Variants in EFHC2 observed in about 807,000 individuals in gnomAD.
The protein encoded by EFHC2 is EF-hand domain-containing family member C2.
In EFHC2, 18 loss-of-function variants were observed where a neutral mutation model predicts 52.7. That is an observed-to-expected ratio of 0.34 (90% CI 0.24 to 0.51). The LOEUF (loss-of-function observed/expected upper bound fraction) is 0.51, where lower values mean the gene tolerates loss of function less well. Ranked by LOEUF, EFHC2 falls within the 20% of genes least tolerant of loss-of-function variation. EFHC2 has a pLI of 0.97. For synonymous variants in EFHC2, 203 were observed against 204.1 expected (o/e 0.99, Z 0.04); for missense variants, 513 against 562.5 (o/e 0.91, Z 0.89).
Position 44,223,135 on chromosome X carries a change from T to A in EFHC2, c.1751+6514A>T, listed in dbSNP as rs145942788. Among the ~76,000 whole-genome samples, 492 of 112,215 alleles carry A rather than the reference T, an allele frequency of 4.4e-3. 18 individuals are homozygous for A. The East Asian group carries it at 0.11, about 24-fold the overall frequency. ...CTCAATTTCCCAGACTTCCTTGCAG[T>A]TAGAAATATGCAGGTGACCCAGGCT... On this transcript the variant is annotated intron_variant, in intron 11 of 14. Coordinates refer to ENST00000420999, the MANE Select transcript of EFHC2 (RefSeq NM_025184.4).
chrX:44,156,042 G>T (rs777191810), intron 14 of EFHC2, among the ~76,000 whole-genome samples: 1 of 112,367 alleles, frequency 8.9e-6, no homozygotes, highest in Non-Finnish European at 1.9e-5. Flanking sequence ...GTGAGTTGTA[G>T]CTAAAAGACA....
intron 2 of EFHC2, among the ~76,000 whole-genome samples, chrX:44,301,347 A>T (rs2037868000): frequency 1.8e-5 from 2 of 109,793 alleles, no homozygotes; most frequent in Admixed American, 2.0e-4. Context: ...AATTATACTT[A>T]AAAAACCCAA....
intron 1 of EFHC2, among the ~76,000 whole-genome samples, chrX:44,343,029 A>G (rs2038161755): frequency 9.1e-6 from 1 of 110,248 alleles, no homozygotes; most frequent in Admixed American, 9.7e-5. Context: ...TAAGTGCCAG[A>G]TTTCTTCAAT....
chrX:44,333,967 G>A (rs2038103073), intron 1 of EFHC2, among the ~76,000 whole-genome samples: 1 of 111,891 alleles, frequency 8.9e-6, no homozygotes, highest in African/African-American at 3.2e-5. Flanking sequence ...AGAAAGAAAA[G>A]CCAATATTCT....
chrX:44,321,339 A>G (rs1041400658), intron 1 of EFHC2, among the ~76,000 whole-genome samples: 1 of 111,059 alleles, frequency 9.0e-6, no homozygotes. Context: ...CATTCAAGAT[A>G]CCACTCAGAC....
intron 7 of EFHC2, among the ~76,000 whole-genome samples, chrX:44,245,263 G>T (rs940904285): frequency 1.8e-5 from 2 of 111,958 alleles, no homozygotes; most frequent in Admixed American, 1.9e-4. Context: ...TTGAATCTAA[G>T]CATAGCCCAA....
chrX:44,225,149 A>G (rs780391570), intron 11 of EFHC2, among the ~76,000 whole-genome samples: 1 of 110,663 alleles, frequency 9.0e-6, no homozygotes, highest in Non-Finnish European at 1.9e-5. Flanking sequence ...AATCTGATAG[A>G]CCATGCCAAA....
intron 11 of EFHC2, among the ~76,000 whole-genome samples, chrX:44,208,468 T>C (rs1468387995): frequency 9.0e-6 from 1 of 111,368 alleles, no homozygotes; most frequent in Admixed American, 9.5e-5. Context: ...ATGGAAATTA[T>C]AGACACTGAG....
intron 2 of EFHC2, among the ~76,000 whole-genome samples, chrX:44,275,692 T>A (rs1416324556): frequency 1.9e-5 from 2 of 107,462 alleles, no homozygotes; most frequent in Non-Finnish European, 3.8e-5. Context: ...CGCAGGTGGA[T>A]CACTTGAGGT....
chrX:44,282,674 A>AAAAAAC (rs1168394777), intron 2 of EFHC2, among the ~76,000 whole-genome samples: 1 of 74,405 alleles, frequency 1.3e-5, no homozygotes, highest in Non-Finnish European at 2.6e-5. Context: ...AGGACAAAGA[A>AAAAAAC]AAAAACAAAA....
chrX:44,165,844 C>T (rs968092910), intron 13 of EFHC2, among the ~76,000 whole-genome samples: 7 of 111,299 alleles, frequency 6.3e-5, no homozygotes, highest in African/African-American at 2.3e-4. Context: ...GCTCTGCCCT[C>T]ATGATGACAT....
chrX:44,321,268 A>G lies in EFHC2; in HGVS notation c.43-8512T>C, dbSNP rs183379238. Reference sequence around the variant, plus strand: ...TGTAGAATGGTGGGAGAGAACTTAAATGAGAATTCTGGAGGTAGGAGGCAG... The same window carrying G: ...TGTAGAATGGTGGGAGAGAACTTAAGTGAGAATTCTGGAGGTAGGAGGCAG... On this transcript the variant is annotated intron_variant, in intron 1 of 14. Transcript: ENST00000420999. 1.6e-3 allele frequency among the ~76,000 whole-genome samples: 177 copies of G among 111,453 alleles called. 1 individual carries two copies. The highest frequency in any genetic ancestry group is 0.013 in the Admixed American group (134 of 10,353).
At chrX:44,310,624 G>T (rs1178993160) in intron 2 of EFHC2, 1 of 249,975 alleles carries the variant, frequency 4.0e-6, no homozygotes, top group African/African-American at 2.7e-5. Context: ...TTTATAATTT[G>T]CTTGGGGTAT....
At chrX:44,231,851 A>G (rs1040052116) in intron 10 of EFHC2, among the ~76,000 whole-genome samples, 2 of 112,556 alleles carry the variant, frequency 1.8e-5, no homozygotes, top group African/African-American at 6.5e-5. Context: ...GTCCACATTT[A>G]AAATCAAGAT....
intron 13 of EFHC2, among the ~76,000 whole-genome samples, chrX:44,172,632 T>C (rs2036754806): frequency 8.9e-6 from 1 of 112,225 alleles, no homozygotes; most frequent in South Asian, 3.7e-4. Flanking sequence ...TAGAGTATCT[T>C]AGGCAGTTGT....
At chrX:44,299,550 G>A (rs975014540) in intron 2 of EFHC2, among the ~76,000 whole-genome samples, 3 of 111,221 alleles carry the variant, frequency 2.7e-5, no homozygotes, top group Non-Finnish European at 5.7e-5. Context: ...GCTTTGTGTT[G>A]GCCCGCCTTT....
chrX:44,336,349 T>A, intron 1 of EFHC2, among the ~76,000 whole-genome samples: 1 of 104,746 alleles, frequency 9.5e-6, no homozygotes, highest in East Asian at 3.0e-4. Context: ...ATCGCGCCAC[T>A]ACACTCCCCT....
At chrX:44,217,540 CA>C (rs985759747) in intron 11 of EFHC2, among the ~76,000 whole-genome samples, 9 of 108,103 alleles carry the variant, frequency 8.3e-5, no homozygotes, top group East Asian at 2.9e-4. Context: ...ACTATTCAGT[CA>C]AAAAAAAAGA....
At chrX:44,202,724 C>G (rs1247625953) in intron 11 of EFHC2, among the ~76,000 whole-genome samples, 1 of 110,782 alleles carries the variant, frequency 9.0e-6, no homozygotes, top group Non-Finnish European at 1.9e-5. Flanking sequence ...ATTTGAGCCA[C>G]TGCACCACCA....
Sources: gnomAD v4.1 joint callset for allele counts (sites outside exome capture counted in the v4.1 genomes callset) on GRCh38, gnomAD v4.1.1 for gene constraint, MANE v1.5 for transcripts, NCBI Gene and HGNC (gene_info 2026-07-23, HGNC 2026-07-21) for gene names.